LRGUK: variants seen among roughly 807,000 people sequenced by gnomAD.
The protein encoded by LRGUK is leucine-rich repeat and guanylate kinase domain-containing protein.
In LRGUK, 65 loss-of-function variants were observed where a neutral mutation model predicts 76.0. That is an observed-to-expected ratio of 0.85 (90% CI 0.70 to 1.05). The LOEUF is 1.05. LRGUK is among the 50% of genes least tolerant of loss of function. The pLI is 0.00. For missense variants in LRGUK, 758 were observed against 732.8 expected (o/e 1.03, Z -0.40); for synonymous variants, 268 against 265.6 (o/e 1.01, Z -0.09).
intron 16 of LRGUK, among the ~76,000 whole-genome samples, chr7:134,226,116 T>C (rs1454885985): frequency 2.0e-5 from 3 of 152,120 alleles, no homozygotes; most frequent in Non-Finnish European, 2.9e-5. Flanking sequence ...ATTTTTGTGC[T>C]TTTTGGTGTC....
chr7:134,187,645 T>C (rs1800032485), intron 11 of LRGUK, among the ~76,000 whole-genome samples: 1 of 152,232 alleles, frequency 6.6e-6, no homozygotes, highest in South Asian at 2.1e-4. Context: ...GTATTAGTTA[T>C]GGGTGACCTG....
chr7:134,139,290 A>G (rs1302418410), intron 2 of LRGUK, 146 bp from the exon 3 acceptor site: 3 of 594,804 alleles, frequency 5.0e-6, no homozygotes, highest in South Asian at 2.1e-5. Flanking sequence ...AGATCCTATT[A>G]GTAGCAGGCT....
At chr7:134,167,509 C>G (rs549800403) in intron 7 of LRGUK, among the ~76,000 whole-genome samples, 28 of 152,112 alleles carry the variant, frequency 1.8e-4, no homozygotes, top group Non-Finnish European at 3.8e-4. Context: ...GAGTGCCGGC[C>G]GTTGAACAGG....
At chr7:134,266,398 AAGAG>A (rs1281049863), downstream of LRGUK, among the ~76,000 whole-genome samples, 1 of 152,242 alleles carries the variant, frequency 6.6e-6, no homozygotes, top group African/African-American at 2.4e-5. Flanking sequence ...GAAACAAATG[AAGAG>A]ATAGATAATT....
chr7:134,245,796 A>G (rs988341489), intron 16 of LRGUK, among the ~76,000 whole-genome samples: 5 of 152,206 alleles, frequency 3.3e-5, no homozygotes, highest in Non-Finnish European at 7.3e-5. Flanking sequence ...GTGAATAACA[A>G]CAAACACAAA....
Position 134,162,790 on chromosome 7 carries a change from G to A in LRGUK, c.796-607G>A, listed in dbSNP as rs562838170. On this transcript the variant is annotated intron_variant, in intron 6 of 15. Coordinates refer to ENST00000645682, the Ensembl canonical transcript of LRGUK. ...TGCAGTGAGCCGAGGTCGTGCCACT[G>A]CACTCCAGCCTGGGCTACAAAGCCA... Among the ~76,000 whole-genome samples, 3 of 127,766 alleles carry A rather than the reference G, an allele frequency of 2.3e-5. No homozygotes were observed. In the East Asian group the frequency reaches 7.1e-4, roughly 30 times the overall value. The allele number at this position is 127,766 out of a possible 152,430, so 83.8% of individuals were successfully genotyped here.
At chr7:134,269,032 C>T (rs1802913212), downstream of LRGUK, among the ~76,000 whole-genome samples, 1 of 151,756 alleles carries the variant, frequency 6.6e-6, no homozygotes, top group Non-Finnish European at 1.5e-5. Context: ...CACCCGGCTG[C>T]AAAAATTCTT....
chr7:134,220,134 G>A (rs921091227), intron 15 of LRGUK, among the ~76,000 whole-genome samples: 1 of 152,204 alleles, frequency 6.6e-6, no homozygotes. Context: ...TTATCACAGA[G>A]ATTCAACAGA....
intron 10 of LRGUK, among the ~76,000 whole-genome samples, chr7:134,181,073 T>TA (rs752245240): frequency 9.3e-4 from 142 of 152,336 alleles, no homozygotes; most frequent in Non-Finnish European, 9.6e-4. Context: ...TCTTTGCTGT[T>TA]ATTTAGTCTC....
intron 16 of LRGUK, among the ~76,000 whole-genome samples, chr7:134,225,848 A>G (rs1237659629): frequency 1.3e-5 from 2 of 152,214 alleles, no homozygotes; most frequent in African/African-American, 4.8e-5. Flanking sequence ...ACAACAGAAG[A>G]TTCCGTGAGA....
At chr7:134,148,786 T>C (rs1004996404) in intron 5 of LRGUK, among the ~76,000 whole-genome samples, 1 of 152,020 alleles carries the variant, frequency 6.6e-6, no homozygotes, top group Non-Finnish European at 1.5e-5. Flanking sequence ...ATTAGCCAGA[T>C]GTGATGGGAT....
Position 134,258,243 on chromosome 7 carries a change from T to A in LRGUK, c.2199-14T>A. On this transcript the variant is annotated splice_polypyrimidine_tract_variant and intron_variant, in intron 18 of 19. Transcript: ENST00000285928. ...TTGGATCTCAAAAAGATCTTTGGTT[T>A]TTCATTTTTTCAGTGGGAAGGATTC... 1 of 1,613,670 alleles carries A rather than the reference T, an allele frequency of 6.2e-7. No homozygotes were observed. The highest frequency in any genetic ancestry group is 8.5e-7 in the Non-Finnish European group (1 of 1,179,724).
At chr7:134,267,578 A>G (rs557696393), downstream of LRGUK, among the ~76,000 whole-genome samples, 12 of 152,328 alleles carry the variant, frequency 7.9e-5, no homozygotes, top group East Asian at 2.3e-3. Context: ...AAGTCTCACA[A>G]GAACTGATGG....
At chr7:134,216,791 T>C (rs1238358382) in intron 15 of LRGUK, among the ~76,000 whole-genome samples, 1 of 152,076 alleles carries the variant, frequency 6.6e-6, no homozygotes, top group Non-Finnish European at 1.5e-5. Context: ...AGGATAAAAA[T>C]AGAAAAGCAA....
At chr7:134,236,762 GT>G (rs1802026803) in intron 16 of LRGUK, among the ~76,000 whole-genome samples, 1 of 152,204 alleles carries the variant, frequency 6.6e-6, no homozygotes, top group South Asian at 2.1e-4. Context: ...TTTCTGAACA[GT>G]TTATCAGGTA....
intron 4 of LRGUK, among the ~76,000 whole-genome samples, chr7:134,144,610 T>G (rs1012805417): frequency 6.6e-6 from 1 of 152,208 alleles, no homozygotes; most frequent in Non-Finnish European, 1.5e-5. Flanking sequence ...TTTTATTTTA[T>G]TTACAAACCA....
intron 16 of LRGUK, among the ~76,000 whole-genome samples, chr7:134,231,229 A>G (rs1245113992): frequency 6.6e-6 from 1 of 152,184 alleles, no homozygotes; most frequent in Admixed American, 6.5e-5. Context: ...CCCACTGAAC[A>G]TAAATCTGAG....
intron 1 of LRGUK, among the ~76,000 whole-genome samples, chr7:134,134,864 T>C (rs1397700914): frequency 6.6e-6 from 1 of 152,218 alleles, no homozygotes; most frequent in East Asian, 1.9e-4. Context: ...GTAACAGAAA[T>C]CGTCATCTAT....
chr7:134,266,288 A>G (rs947267771), downstream of LRGUK, among the ~76,000 whole-genome samples: 1 of 152,244 alleles, frequency 6.6e-6, no homozygotes, highest in Non-Finnish European at 1.5e-5. Flanking sequence ...GACCATCAAT[A>G]TATGCCCACA....
Sources: allele counts gnomAD v4.1 joint callset (sites outside exome capture counted in the v4.1 genomes callset), GRCh38; gene constraint gnomAD v4.1.1; transcripts MANE v1.5; gene names NCBI Gene and HGNC (gene_info 2026-07-23, HGNC 2026-07-21).